Variants in MAPK8IP3 observed in about 807,000 individuals in gnomAD.
MAPK8IP3 encodes C-Jun-amino-terminal kinase-interacting protein 3.
Under a neutral mutation model 157.8 loss-of-function variants are expected in MAPK8IP3, and 49 were observed. That is an observed-to-expected ratio of 0.31 (90% CI 0.25 to 0.39). The LOEUF is 0.39. MAPK8IP3 is among the 10% of genes least tolerant of loss of function. The pLI, the probability that MAPK8IP3 is intolerant of heterozygous loss-of-function variation, is 1.00. For synonymous variants in MAPK8IP3, 897 were observed against 777.7 expected, an observed-to-expected ratio of 1.15 and a Z score of -2.55; for missense variants, 1,478 against 1,889.4, an observed-to-expected ratio of 0.78 and a Z score of 4.04.
Position 1,764,351 on chromosome 16 carries a change from C to T in MAPK8IP3, c.2172C>T (p.Asp724=), listed in dbSNP as rs2042131858. The change falls in exon 19 of 32, where the codon GAC becomes GAT. Residue 724 remains aspartate, a synonymous_variant. Coordinates refer to ENST00000610761, the MANE Select transcript of MAPK8IP3 (RefSeq NM_001318852.2). Reference sequence around the variant, plus strand: ...TGAGCGGGTGGAGGCCCAATGAGGACGACGCTGGGAATGGAGTCAAGCCAG... The same window carrying T: ...TGAGCGGGTGGAGGCCCAATGAGGATGACGCTGGGAATGGAGTCAAGCCAG... ...VNLSGWRPNE[D]DAGNGVKPAP... is the part of the protein sequence containing the mutation. 2 of 1,579,828 alleles carry T rather than the reference C, an allele frequency of 1.3e-6. No individual in the cohort carries two copies. Among genetic ancestry groups the T allele is most frequent in the African/African-American group, 1.3e-5 (1 of 74,358 alleles).
rs1393489507 is a variant in MAPK8IP3 at position 1,767,131 on chromosome 16, G to A, written c.3089-18G>A. The A allele has an allele frequency of 2.5e-6, 4 of 1,612,332 alleles. No homozygotes were observed. The highest frequency in any genetic ancestry group is 3.3e-5 in the Admixed American group (2 of 59,982). On this transcript the variant is annotated intron_variant, in intron 25 of 31. Transcript: ENST00000610761. Reference sequence around the variant, plus strand: ...GGGGCCTGGCCAGGCCTGAGCAGGTGTCCGGGGCTCCCTCCAGATGGCCAG... The same window carrying A: ...GGGGCCTGGCCAGGCCTGAGCAGGTATCCGGGGCTCCCTCCAGATGGCCAG...
chr16:1,761,438 C>G, intron 13 of MAPK8IP3, 133 bp downstream of exon 13: 1 of 759,108 alleles, frequency 1.3e-6, no homozygotes, highest in Admixed American at 2.0e-5. Context: ...CCACCATTCA[C>G]CATTCACAGG....
At chr16:1,727,663 G>A (rs374245620) in intron 2 of MAPK8IP3, among the ~76,000 whole-genome samples, 1 of 152,180 alleles carries the variant, frequency 6.6e-6, no homozygotes, top group Non-Finnish European at 1.5e-5. Context: ...TGTGATGTCT[G>A]TAAGCACCTC....
chr16:1,760,652 T>G, intron 12 of MAPK8IP3, 120 bp downstream of exon 12: 1 of 1,231,922 alleles, frequency 8.1e-7, no homozygotes, highest in Non-Finnish European at 1.1e-6. Context: ...CCTACCTACC[T>G]CCAGCTCCAG....
At chr16:1,759,327 C>A (rs2041803532) in intron 10 of MAPK8IP3, among the ~76,000 whole-genome samples, 1 of 152,210 alleles carries the variant, frequency 6.6e-6, no homozygotes, top group Admixed American at 6.5e-5. Flanking sequence ...GACCCCTGAG[C>A]CCAGGCACAG....
chr16:1,761,345 C>A (rs760350057), intron 13 of MAPK8IP3, 40 bp downstream of exon 13: 24 of 1,576,118 alleles, frequency 1.5e-5, no homozygotes, highest in Non-Finnish European at 2.1e-5. Context: ...GGGCGTCCAC[C>A]ATTCACTTTT....
At chr16:1,739,143 T>TGTGA (rs2040395484) in intron 4 of MAPK8IP3, among the ~76,000 whole-genome samples, 1 of 135,356 alleles carries the variant, frequency 7.4e-6, no homozygotes, top group African/African-American at 2.8e-5. Context: ...TGACCGTCCG[T>TGTGA]GTGTGTGACC....
chr16:1,748,170 C>T (rs965378264), intron 6 of MAPK8IP3, 74 bp from the exon 7 acceptor site: 18 of 1,155,664 alleles, frequency 1.6e-5, no homozygotes, highest in South Asian at 9.9e-5. Flanking sequence ...ACTCAGGTTC[C>T]GAGGGCAGCC....
Position 1,762,973 on chromosome 16 carries a change from C to T in MAPK8IP3, c.1865C>T (p.Ala622Val). ...RRNHAMCPISAGSRPLEFFPD... is the reference protein window; with the variant it reads ...RRNHAMCPISVGSRPLEFFPD... ...AACCATGCCATGTGCCCGATCTCGG[C>T]AGGCAGCCGGCCCCTGGAATTCTTC... Residue 622 changes from alanine (A) to valine (V), a missense_variant, in exon 16 of 32, where the codon GCA becomes GTA. Physicochemically the swap from Ala to Val is moderately conservative, Grantham distance 64 (BLOSUM62 0). Transcript: ENST00000610761. 1 of 1,612,906 alleles carries T rather than the reference C, an allele frequency of 6.2e-7. No individual in the cohort carries two copies. Among genetic ancestry groups the T allele is most frequent in the Non-Finnish European group, 8.5e-7 (1 of 1,179,990 alleles).
At chr16:1,725,151 TA>T in intron 2 of MAPK8IP3, among the ~76,000 whole-genome samples, 1 of 135,790 alleles carries the variant, frequency 7.4e-6, no homozygotes, top group African/African-American at 3.0e-5. Flanking sequence ...AGAAAGGGTT[TA>T]TTATTATTAT....
In MAPK8IP3 at chr16:1,768,277, A is replaced by T. The variant is rs747929511; in HGVS notation, c.3641A>T (p.Asp1214Val). 1 of 1,611,692 alleles carries T rather than the reference A, an allele frequency of 6.2e-7. No individual in the cohort carries two copies. Among genetic ancestry groups the T allele is most frequent in the Non-Finnish European group, 8.5e-7 (1 of 1,179,982 alleles). ...CACGTGTATGGCGATGACAGCAGTGACAGGGCGGCCAGCAGCTTCATCCCC... is the reference window on the plus strand; with the variant it reads ...CACGTGTATGGCGATGACAGCAGTGTCAGGGCGGCCAGCAGCTTCATCCCC... ...IIHVYGDDSS[D>V]RAASSFIPYC... The change falls in exon 30 of 32, where the codon GAC becomes GTC. Residue 1214 changes from aspartate (D) to valine (V), a missense_variant. Around this residue, in one of 11 missense-constraint regions of MAPK8IP3, gnomAD observed 83 missense variants for 85.3 expected, o/e 0.97. Coordinates refer to ENST00000610761, the MANE Select transcript of MAPK8IP3 (RefSeq NM_001318852.2).
At chr16:1,716,982 C>T (rs895101762) in intron 1 of MAPK8IP3, among the ~76,000 whole-genome samples, 2 of 151,750 alleles carry the variant, frequency 1.3e-5, no homozygotes, top group African/African-American at 2.4e-5. Flanking sequence ...ACAGTTGAAC[C>T]TGGGAGGCAG....
intron 9 of MAPK8IP3, 140 bp from the exon 10 acceptor site, chr16:1,758,838 C>T: frequency 1.2e-6 from 1 of 813,692 alleles, no homozygotes; most frequent in Non-Finnish European, 2.1e-6. Context: ...CTCCTGCACC[C>T]ACCCTAACCC....
At chr16:1,738,277 AGT>A (rs2040222734) in intron 4 of MAPK8IP3, among the ~76,000 whole-genome samples, 1 of 44,068 alleles carries the variant, frequency 2.3e-5, no homozygotes, top group Non-Finnish European at 4.0e-5. Context: ...CGTCCGTGTG[AGT>A]GTGACCATCC....
intron 11 of MAPK8IP3, 125 bp downstream of exon 11, chr16:1,760,140 C>A: frequency 8.9e-7 from 1 of 1,123,998 alleles, no homozygotes; most frequent in Non-Finnish European, 1.3e-6. Flanking sequence ...CTGTCCTCAT[C>A]TCTGGCGGGA....
At chr16:1,733,664 C>A (rs1032905124) in intron 4 of MAPK8IP3, among the ~76,000 whole-genome samples, 12 of 152,222 alleles carry the variant, frequency 7.9e-5, no homozygotes, top group Non-Finnish European at 1.3e-4. Context: ...GCCGAGAGTT[C>A]AGTGGGAAGC....
At chr16:1,746,106 C>T (rs2040943951) in intron 5 of MAPK8IP3, 2 of 152,186 alleles carry the variant, frequency 1.3e-5, no homozygotes, top group African/African-American at 2.4e-5. Context: ...CTGGGACAGG[C>T]ACAGGAGCCA....
At chr16:1,735,700 T>C (rs1233659314) in intron 4 of MAPK8IP3, among the ~76,000 whole-genome samples, 262 of 103,794 alleles carry the variant, frequency 2.5e-3, no homozygotes, top group African/African-American at 6.2e-3. Context: ...TCTGTGTGCC[T>C]GTCCGTGTGA....
intron 4 of MAPK8IP3, among the ~76,000 whole-genome samples, chr16:1,739,129 CGTGTGACCGTCCGTGT>C (rs1567171839): frequency 2.7e-5 from 3 of 110,904 alleles, no homozygotes; most frequent in African/African-American, 1.0e-4. Context: ...TCCGTGTGAG[CGTGTGACCGTCCGTGT>C]GTGTGACCAT....
Sources: allele counts gnomAD v4.1 joint callset (sites outside exome capture counted in the v4.1 genomes callset), GRCh38; gene constraint gnomAD v4.1.1; regional missense constraint gnomAD v4.1.1; transcripts MANE v1.5; gene names NCBI Gene and HGNC (gene_info 2026-07-23, HGNC 2026-07-21).